The following RBM26 variants were observed in gnomAD, a reference collection of about 807,000 sequenced individuals.
RBM26 encodes the protein RNA binding motif protein 26.
In RBM26, 30 loss-of-function variants were observed where a neutral mutation model predicts 123.6. That is an observed-to-expected ratio of 0.24 (90% CI 0.18 to 0.33). RBM26 has a LOEUF of 0.33. Among genes scored for constraint, RBM26 ranks in the 10% least tolerant of loss-of-function variants. RBM26 has a pLI of 1.00. For synonymous variants in RBM26, 400 were observed against 404.4 expected (o/e 0.99, Z 0.13); for missense variants, 947 against 1,203.6 (o/e 0.79, Z 3.15).
intron 16 of RBM26, 127 bp from the exon 17 acceptor site, chr13:79,342,958 C>T (rs1233311489): frequency 3.5e-6 from 2 of 575,504 alleles, no homozygotes; most frequent in Middle Eastern, 4.9e-4. Flanking sequence ...CGTGAGAAGG[C>T]TAACAACCAT....
At chr13:79,365,750 A>G (rs200443973) in intron 8 of RBM26, 32 bp from the exon 9 acceptor site, 1 of 1,592,426 alleles carries the variant, frequency 6.3e-7, no homozygotes, top group Non-Finnish European at 8.6e-7. Context: ...TTAAAAAACA[A>G]TTATAAAACT....
At chr13:79,349,846 C>T (rs996503708) in intron 14 of RBM26, among the ~76,000 whole-genome samples, 4 of 151,754 alleles carry the variant, frequency 2.6e-5, no homozygotes, top group East Asian at 1.9e-4. Context: ...TACAGGCGCC[C>T]GCCACGAGGC....
chr13:79,365,481 T>A (rs574167872), intron 9 of RBM26, 97 bp downstream of exon 9: 6 of 948,882 alleles, frequency 6.3e-6, no homozygotes, highest in Non-Finnish European at 9.8e-6. Flanking sequence ...CCATTCCTTA[T>A]CCAACCCCAA....
intron 14 of RBM26, among the ~76,000 whole-genome samples, chr13:79,347,931 T>C (rs1174431644): frequency 1.3e-5 from 2 of 152,142 alleles, no homozygotes; most frequent in African/African-American, 4.8e-5. Context: ...GCAGATTTCC[T>C]TCATCAAATT....
chr13:79,320,984 C>T (rs1004102694), intron 21 of RBM26, among the ~76,000 whole-genome samples: 17 of 151,132 alleles, frequency 1.1e-4, no homozygotes, highest in African/African-American at 3.9e-4. Flanking sequence ...TAGCAAATTA[C>T]GCCATCTTCT....
chr13:79,338,206 C>T (rs1020247822), intron 18 of RBM26, among the ~76,000 whole-genome samples: 1 of 152,084 alleles, frequency 6.6e-6, no homozygotes, highest in African/African-American at 2.4e-5. Context: ...AGCAAGATTC[C>T]ATCTTAAAAA....
chr13:79,395,051 T>A (rs2078435073), intron 1 of RBM26, among the ~76,000 whole-genome samples: 1 of 152,166 alleles, frequency 6.6e-6, no homozygotes, highest in Non-Finnish European at 1.5e-5. Flanking sequence ...TGACTCAGCC[T>A]CCACTCAAGT....
intron 6 of RBM26, among the ~76,000 whole-genome samples, chr13:79,368,127 G>A (rs975884945): frequency 6.6e-6 from 1 of 151,460 alleles, no homozygotes; most frequent in Non-Finnish European, 1.5e-5. Flanking sequence ...CCGGTTTCAC[G>A]CCTTCTCCTG....
intron 17 of RBM26, among the ~76,000 whole-genome samples, chr13:79,342,002 T>C (rs1325536414): frequency 6.6e-6 from 1 of 151,870 alleles, no homozygotes; most frequent in Non-Finnish European, 1.5e-5. Flanking sequence ...GGTATTGTTG[T>C]AGCAATTTTT....
At chr13:79,344,193 T>G in intron 16 of RBM26, 55 bp downstream of exon 16, 1 of 1,100,308 alleles carries the variant, frequency 9.1e-7, no homozygotes. Flanking sequence ...TAAGATTAAG[T>G]TCACTCCAAA....
At chr13:79,345,970 C>T (rs928160038) in intron 14 of RBM26, among the ~76,000 whole-genome samples, 1 of 152,090 alleles carries the variant, frequency 6.6e-6, no homozygotes, top group Non-Finnish European at 1.5e-5. Flanking sequence ...GGGTGATCTA[C>T]GAATGCTATA....
intron 11 of RBM26, among the ~76,000 whole-genome samples, chr13:79,355,781 T>C (rs1659025745): frequency 6.6e-6 from 1 of 152,082 alleles, no homozygotes; most frequent in Admixed American, 6.5e-5. Context: ...TAATAAAAAA[T>C]TACAGAAAAA....
At chr13:79,375,083 TATAAATATATATTTATATATATC>T (rs2076540067) in intron 3 of RBM26, among the ~76,000 whole-genome samples, 1 of 115,636 alleles carries the variant, frequency 8.6e-6, no homozygotes, top group Non-Finnish European at 1.8e-5. Flanking sequence ...ATATGATATA[TATAAATATATATTTATATATATC>T]ATATAAATAT....
At chr13:79,342,217 C>T (rs2071509840) in intron 17 of RBM26, among the ~76,000 whole-genome samples, 1 of 151,688 alleles carries the variant, frequency 6.6e-6, no homozygotes, top group Non-Finnish European at 1.5e-5. Context: ...TTGTATAACC[C>T]TGTTTTTTTC....
rs142897901 is a variant in RBM26 at position 79,371,412 on chromosome 13, C to T, written c.417-250G>A. 2.9e-3 allele frequency among the ~76,000 whole-genome samples: 434 copies of T among 152,266 alleles called. 4 individuals carry two copies. Among genetic ancestry groups the T allele is most frequent in the African/African-American group, 0.01 (418 of 41,548 alleles). On this transcript the variant is annotated intron_variant, in intron 4 of 21. Transcript: ENST00000438737. The stretch of plus-strand genomic sequence containing the variant: ...ACAATTAGGCATCTGTAGATAAAGG[C>T]ATCTGTATATAAGACTTAGAGTACA...
chr13:79,318,329 G>A (rs1255143396), downstream of RBM26, among the ~76,000 whole-genome samples: 1 of 150,984 alleles, frequency 6.6e-6, no homozygotes, highest in African/African-American at 2.4e-5. Flanking sequence ...CTATGACTGG[G>A]CAAATCATTC....
downstream of RBM26, among the ~76,000 whole-genome samples, chr13:79,315,729 T>C (rs1459350663): frequency 6.6e-6 from 1 of 151,902 alleles, no homozygotes; most frequent in Non-Finnish European, 1.5e-5. Context: ...AAGAAAGTTA[T>C]ACCAAATTAG....
intron 3 of RBM26, among the ~76,000 whole-genome samples, chr13:79,374,519 G>A (rs866146189): frequency 6.6e-6 from 1 of 152,046 alleles, no homozygotes; most frequent in South Asian, 2.1e-4. Flanking sequence ...TGCCACTTTA[G>A]ATGAGAAATC....
intron 20 of RBM26, among the ~76,000 whole-genome samples, chr13:79,329,084 T>TC (rs2068888040): frequency 6.6e-6 from 1 of 151,914 alleles, no homozygotes; most frequent in African/African-American, 2.4e-5. Flanking sequence ...AACGTACATA[T>TC]CCGTTCACCC....
Sources: allele counts gnomAD v4.1 joint callset (sites outside exome capture counted in the v4.1 genomes callset), GRCh38; gene constraint gnomAD v4.1.1; transcripts MANE v1.5; gene names NCBI Gene and HGNC (gene_info 2026-07-23, HGNC 2026-07-21).